GRIN2A: variants seen among roughly 807,000 people sequenced by gnomAD.
GRIN2A encodes the protein glutamate ionotropic receptor NMDA type subunit 2A.
Under a neutral mutation model 113.4 loss-of-function variants are expected in GRIN2A, and 22 were observed. That is an observed-to-expected ratio of 0.19 (90% CI 0.14 to 0.28). The LOEUF is 0.28. Ranked by LOEUF, GRIN2A falls within the 10% of genes least tolerant of loss-of-function variation. The probability of loss-of-function intolerance (pLI) is 1.00; values close to 1 mark genes in which losing one functional copy is unlikely to be tolerated. For synonymous variants in GRIN2A, 827 were observed against 738.4 expected, an observed-to-expected ratio of 1.12 and a Z score of -1.94; for missense variants, 1,502 against 1,887.0, an observed-to-expected ratio of 0.80 and a Z score of 3.78.
At chr16:9,977,488 G>A (rs1353851808) in intron 2 of GRIN2A, among the ~76,000 whole-genome samples, 1 of 152,116 alleles carries the variant, frequency 6.6e-6, no homozygotes, top group African/African-American at 2.4e-5. Context: ...CATGCCATCT[G>A]CCAGATACTA....
intron 4 of GRIN2A, among the ~76,000 whole-genome samples, chr16:9,888,706 A>T (rs2043634830): frequency 6.6e-6 from 1 of 151,952 alleles, no homozygotes; most frequent in Non-Finnish European, 1.5e-5. Flanking sequence ...CAAATAAAGC[A>T]TCTCATGATA....
At chr16:10,076,763 T>C (rs2047880975) in intron 2 of GRIN2A, among the ~76,000 whole-genome samples, 1 of 152,202 alleles carries the variant, frequency 6.6e-6, no homozygotes, top group African/African-American at 2.4e-5. Context: ...CATCTGCAGC[T>C]ACCTACACTT....
At chr16:9,990,563 G>GCACACA (rs71157799) in intron 2 of GRIN2A, among the ~76,000 whole-genome samples, 115 of 124,468 alleles carry the variant, frequency 9.2e-4, no homozygotes, top group East Asian at 3.2e-3. Flanking sequence ...GCGCGCGCGC[G>GCACACA]CACACACACA....
At chr16:10,140,517 T>C (rs1680494650) in intron 2 of GRIN2A, among the ~76,000 whole-genome samples, 1 of 152,174 alleles carries the variant, frequency 6.6e-6, no homozygotes, top group South Asian at 2.1e-4. Flanking sequence ...AGGTAGCCTA[T>C]GGGAGAATGA....
rs186970082 is a variant in GRIN2A, at chr16:10,113,102, G to A, written c.414+66896C>T. ...TCCCTGGGCCAGGCTGCCTGGGGGCGCCCCCCAGCCCAGCCAGCCAGGCTC... is the reference window on the plus strand; with the variant it reads ...TCCCTGGGCCAGGCTGCCTGGGGGCACCCCCCAGCCCAGCCAGCCAGGCTC... On this transcript the variant is annotated intron_variant, in intron 2 of 12. Coordinates refer to ENST00000330684, the MANE Select transcript of GRIN2A (RefSeq NM_001134407.3). Among the ~76,000 whole-genome samples the A allele has an allele frequency of 4.5e-3, 684 of 151,702 alleles. 1 individual carries two copies. Among genetic ancestry groups the A allele is most frequent in the Middle Eastern group, 0.014 (4 of 290 alleles).
chr16:9,784,824 A>G (rs1304696332), intron 11 of GRIN2A, among the ~76,000 whole-genome samples: 2 of 127,968 alleles, frequency 1.6e-5, no homozygotes, highest in African/African-American at 3.5e-5. Flanking sequence ...TATGCAGTCA[A>G]AAGATACATG....
intron 11 of GRIN2A, among the ~76,000 whole-genome samples, chr16:9,786,646 G>A (rs531842425): frequency 3.3e-4 from 50 of 152,224 alleles, no homozygotes; most frequent in African/African-American, 1.1e-3. Context: ...GTCTATGAGG[G>A]TTTATAGCAG....
rs1382443511 is a variant in GRIN2A, at chr16:9,756,335, T to G, written c.*6814A>C. The G allele has an allele frequency of 4.3e-6, 1 of 229,934 alleles. No homozygotes were observed. The highest frequency in any genetic ancestry group is 5.7e-5 in the Admixed American group (1 of 17,656). The allele number at this position is 229,934 out of a possible 1,614,324, so 14.2% of individuals were successfully genotyped here. On this transcript the variant is annotated 3_prime_UTR_variant, in exon 13 of 13. Transcript: ENST00000330684. Reference sequence around the variant, plus strand: ...TATGAAAGGGAGACACAAACAGTGTTCAAGTCTCAGAAGGAACTATGAACA... The same window carrying G: ...TATGAAAGGGAGACACAAACAGTGTGCAAGTCTCAGAAGGAACTATGAACA...
chr16:9,875,575 G>T (rs1204795097), intron 4 of GRIN2A, among the ~76,000 whole-genome samples: 2 of 152,180 alleles, frequency 1.3e-5, no homozygotes, highest in African/African-American at 4.8e-5. Flanking sequence ...TGTTCCATCA[G>T]CAGGCAAATG....
intron 2 of GRIN2A, among the ~76,000 whole-genome samples, chr16:10,011,500 A>G (rs1315007892): frequency 6.6e-6 from 1 of 152,008 alleles, no homozygotes; most frequent in South Asian, 2.1e-4. Context: ...CAAATCAACC[A>G]CTCATTCTCC....
rs956329492 is a variant in GRIN2A at position 9,758,406 on chromosome 16, C to T, written c.*4743G>A. The T allele has an allele frequency of 9.0e-6, 2 of 222,374 alleles. No individual in the cohort carries two copies. Among genetic ancestry groups the T allele is most frequent in the Non-Finnish European group, 1.8e-5 (2 of 111,310 alleles). The allele number at this position is 222,374 out of a possible 1,614,324, so 13.8% of individuals were successfully genotyped here. On this transcript the variant is annotated 3_prime_UTR_variant, in exon 13 of 13. Transcript: ENST00000330684. The stretch of plus-strand genomic sequence containing the variant: ...AAGAAGGGGCCAAGAACGCCAACAC[C>T]CATATTCTACTTAGGCTCTGTCATC...
At chr16:9,879,655 A>C (rs990846387) in intron 4 of GRIN2A, among the ~76,000 whole-genome samples, 6 of 152,202 alleles carry the variant, frequency 3.9e-5, no homozygotes, top group Non-Finnish European at 8.8e-5. Flanking sequence ...CTAAGAGTGC[A>C]GACAATTGGG....
At chr16:9,896,775 C>T (rs67502878) in intron 3 of GRIN2A, among the ~76,000 whole-genome samples, 43,303 of 152,072 alleles carry the variant, frequency 0.28, 7,073 homozygotes, top group African/African-American at 0.44. Context: ...AATTCCCCCA[C>T]CCAATTTCTA....
rs945221421 is a variant in GRIN2A, at chr16:9,763,884, G to A, written c.3660C>T (p.Asn1220=). 1 of 1,614,138 alleles carries A rather than the reference G, an allele frequency of 6.2e-7. No individual in the cohort carries two copies. The highest frequency in any genetic ancestry group is 1.7e-5 in the Admixed American group (1 of 60,026). ...NSTHCRSCLS[N]MPTYSGHFTM... ...TGAAGTGGCCTGAATAGGTGGGCAT[G>A]TTGGAAAGGCAGCTTCTGCAGTGCG... Residue 1220 remains asparagine (N), a synonymous_variant, in exon 13 of 13, where the codon AAC becomes AAT. Transcript: ENST00000330684.
chr16:9,799,674 T>C (rs1385792719), intron 10 of GRIN2A, among the ~76,000 whole-genome samples: 1 of 152,214 alleles, frequency 6.6e-6, no homozygotes, highest in African/African-American at 2.4e-5. Flanking sequence ...GAAAATGTTA[T>C]TATGCCACAC....
chr16:9,982,608 A>G (rs146267747), intron 2 of GRIN2A, among the ~76,000 whole-genome samples: 4 of 152,366 alleles, frequency 2.6e-5, no homozygotes, highest in Admixed American at 6.5e-5. Context: ...GTTACCAATT[A>G]GTTATCTTTT....
chr16:9,970,560 C>T (rs1412355256), intron 2 of GRIN2A, among the ~76,000 whole-genome samples: 1 of 152,030 alleles, frequency 6.6e-6, no homozygotes, highest in Non-Finnish European at 1.5e-5. Flanking sequence ...TGCTGGAGGG[C>T]CCTAGAAAGA....
chr16:10,181,578 C>T (rs1322572751), intron 1 of GRIN2A: 8 of 152,244 alleles, frequency 5.3e-5, no homozygotes, highest in Admixed American at 5.2e-4. Context: ...AGGTGCACAG[C>T]CCTGCGTACC....
At chr16:10,004,500 G>C (rs1203134869) in intron 2 of GRIN2A, among the ~76,000 whole-genome samples, 1 of 152,172 alleles carries the variant, frequency 6.6e-6, no homozygotes, top group Non-Finnish European at 1.5e-5. Flanking sequence ...ATGGATGTCA[G>C]AATTCCCAAA....
Sources: allele counts gnomAD v4.1 joint callset (sites outside exome capture counted in the v4.1 genomes callset), GRCh38; gene constraint gnomAD v4.1.1; transcripts MANE v1.5; gene names NCBI Gene and HGNC (gene_info 2026-07-23, HGNC 2026-07-21).